The following NXNL2 variants were observed in gnomAD, a reference collection of about 807,000 sequenced individuals.
NXNL2 encodes nucleoredoxin-like protein 2.
NXNL2 carries 7 observed loss-of-function variants against 11.1 expected under a neutral mutation model. That is an observed-to-expected ratio of 0.63 (90% confidence interval 0.36 to 1.18). NXNL2 has a LOEUF of 1.18. NXNL2 is among the 50% of genes most tolerant of loss of function. The pLI is 0.02. For synonymous variants in NXNL2, 109 were observed against 101.8 expected (o/e 1.07, Z -0.42); for missense variants, 233 against 217.7 (o/e 1.07, Z -0.44).
chr9:88,578,242 C>T (rs138906515), downstream of NXNL2, among the ~76,000 whole-genome samples: 371 of 152,256 alleles, frequency 2.4e-3, 1 homozygote, highest in African/African-American at 8.4e-3. Context: ...CGAGGGTTCC[C>T]GGACCCCAGG....
intron 1 of NXNL2, among the ~76,000 whole-genome samples, chr9:88,550,071 G>A (rs1022267176): frequency 4.6e-5 from 7 of 152,016 alleles, no homozygotes; most frequent in South Asian, 2.1e-4. Flanking sequence ...GCCCACCTCG[G>A]CCTCCCAAAG....
At chr9:88,563,379 A>G (rs116495061) in intron 1 of NXNL2, among the ~76,000 whole-genome samples, 5,103 of 152,234 alleles carry the variant, frequency 0.034, 304 homozygotes, top group African/African-American at 0.11. Flanking sequence ...CTGACTTCCC[A>G]TAGCTCAGGT....
chr9:88,539,181 G>A (rs539541748), intron 1 of NXNL2, among the ~76,000 whole-genome samples: 1 of 152,350 alleles, frequency 6.6e-6, no homozygotes, highest in South Asian at 2.1e-4. Flanking sequence ...AGCGTCAGAG[G>A]TGGGGAGATT....
downstream of NXNL2, among the ~76,000 whole-genome samples, chr9:88,547,602 T>A (rs1312148208): frequency 6.6e-6 from 1 of 152,130 alleles, no homozygotes; most frequent in Non-Finnish European, 1.5e-5. Flanking sequence ...TTCAGTAGGG[T>A]GTCCTATGCT....
chr9:88,537,457 CCTATCTT>C (rs1247698921), intron 1 of NXNL2, among the ~76,000 whole-genome samples: 1 of 152,194 alleles, frequency 6.6e-6, no homozygotes, highest in Admixed American at 6.5e-5. Context: ...GCTGTGTGCT[CCTATCTT>C]CTCAGCCTGG....
chr9:88,566,993 T>TATCTATC (rs1830182449), intron 1 of NXNL2, among the ~76,000 whole-genome samples: 1 of 150,984 alleles, frequency 6.6e-6, no homozygotes, highest in Admixed American at 6.6e-5. Context: ...TCTATCTATC[T>TATCTATC]ATCTATCTAT....
chr9:88,575,587 G>A (rs1341899983), exon 3 of NXNL2: 1 of 152,190 alleles, frequency 6.6e-6, no homozygotes, highest in Non-Finnish European at 1.5e-5. Flanking sequence ...AGAGTAGAAG[G>A]TTGGTTACCA....
intron 1 of NXNL2, among the ~76,000 whole-genome samples, chr9:88,542,317 C>A (rs1829779143): frequency 6.6e-6 from 1 of 151,814 alleles, no homozygotes; most frequent in Non-Finnish European, 1.5e-5. Context: ...GAGACAGAGT[C>A]TCACTCTGTC....
At chr9:88,561,202 C>T (rs1167921344) in intron 1 of NXNL2, among the ~76,000 whole-genome samples, 2 of 152,086 alleles carry the variant, frequency 1.3e-5, no homozygotes, top group African/African-American at 2.4e-5. Flanking sequence ...GGCAGAAAAA[C>T]GTGAAGAGAT....
At chr9:88,564,762 T>C (rs1830143140) in intron 1 of NXNL2, among the ~76,000 whole-genome samples, 1 of 152,222 alleles carries the variant, frequency 6.6e-6, no homozygotes, top group Non-Finnish European at 1.5e-5. Flanking sequence ...TATTTACCTT[T>C]CTCTTTCTCA....
chr9:88,535,344 G>A lies in NXNL2; in HGVS notation c.-91G>A. 7.6e-7 allele frequency: 1 copy of A among 1,307,760 alleles called. No homozygotes were observed. Among genetic ancestry groups the A allele is most frequent in the Non-Finnish European group, 1.0e-6 (1 of 979,712 alleles). The allele number at this position is 1,307,760 out of a possible 1,614,324, so 81.0% of individuals were successfully genotyped here. On this transcript the variant is annotated 5_prime_UTR_variant, in exon 1 of 2. Transcript: ENST00000375854. Reference sequence around the variant, plus strand: ...CCAGCGCCCGGTGGTGCGGACAGAGGCGGGGCACCGCGGCGCTCGCCGCCG... The same window carrying A: ...CCAGCGCCCGGTGGTGCGGACAGAGACGGGGCACCGCGGCGCTCGCCGCCG...
chr9:88,580,680 A>G (rs1355404794), downstream of NXNL2, among the ~76,000 whole-genome samples: 1 of 152,210 alleles, frequency 6.6e-6, no homozygotes, highest in Non-Finnish European at 1.5e-5. Flanking sequence ...ATGTTAAGAT[A>G]GTCAATCCCA....
intron 1 of NXNL2, 33 bp downstream of exon 1, chr9:88,535,769 C>A: frequency 2.0e-6 from 3 of 1,506,070 alleles, no homozygotes; most frequent in Non-Finnish European, 2.6e-6. Context: ...CGGGGGCCGC[C>A]CGGCACGTCT....
At chr9:88,564,281 TCTATTATCTATC>T (rs1380045112) in intron 1 of NXNL2, among the ~76,000 whole-genome samples, 2,024 of 126,670 alleles carry the variant, frequency 0.016, 19 homozygotes, top group Non-Finnish European at 0.022. Context: ...TATCTATCTA[TCTATTATCTATC>T]TATCTATCTA....
At chr9:88,561,335 G>T (rs1279281886) in intron 1 of NXNL2, among the ~76,000 whole-genome samples, 3 of 152,164 alleles carry the variant, frequency 2.0e-5, no homozygotes, top group East Asian at 1.9e-4. Flanking sequence ...TTCTCAGCTT[G>T]CAGACAGCCT....
At chr9:88,561,425 C>A (rs1830084121) in intron 1 of NXNL2, among the ~76,000 whole-genome samples, 1 of 152,098 alleles carries the variant, frequency 6.6e-6, no homozygotes, top group Admixed American at 6.6e-5. Flanking sequence ...TATCATCTAT[C>A]TATCAATCTA....
chr9:88,570,532 T>TA (rs1225991153), intron 1 of NXNL2, among the ~76,000 whole-genome samples: 1 of 152,254 alleles, frequency 6.6e-6, no homozygotes. Flanking sequence ...CAAGTTTGTT[T>TA]ACCTCATCAT....
intron 1 of NXNL2, among the ~76,000 whole-genome samples, chr9:88,552,471 ATGT>A (rs1484260744): frequency 0.011 from 1,420 of 129,934 alleles, 10 homozygotes; most frequent in Non-Finnish European, 0.017. Context: ...TTAAACATGC[ATGT>A]TTTTTTTTTT....
At chr9:88,553,524 T>C (rs1829971104) in intron 1 of NXNL2, among the ~76,000 whole-genome samples, 1 of 152,190 alleles carries the variant, frequency 6.6e-6, no homozygotes, top group Non-Finnish European at 1.5e-5. Context: ...GCATGTCTGG[T>C]TGAATCTGCA....
Sources: gnomAD v4.1 joint callset for allele counts (sites outside exome capture counted in the v4.1 genomes callset) on GRCh38, gnomAD v4.1.1 for gene constraint, MANE v1.5 for transcripts, NCBI Gene and HGNC (gene_info 2026-07-23, HGNC 2026-07-21) for gene names.